DAPK1: variants seen among roughly 807,000 people sequenced by gnomAD.
DAPK1 encodes death-associated protein kinase 1.
Under a neutral mutation model 144.9 loss-of-function variants are expected in DAPK1, and 56 were observed. The observed-to-expected ratio is 0.39, with a 90% CI of 0.31 to 0.48. The LOEUF is 0.48. Among genes scored for constraint, DAPK1 ranks in the 20% least tolerant of loss-of-function variants. DAPK1 has a pLI of 0.95. For synonymous variants in DAPK1, 690 were observed against 749.0 expected, an observed-to-expected ratio of 0.92 and a Z score of 1.29; for missense variants, 1,454 against 1,875.4, an observed-to-expected ratio of 0.78 and a Z score of 4.15.
intron 2 of DAPK1, among the ~76,000 whole-genome samples, chr9:87,604,392 G>C (rs925420769): frequency 3.9e-5 from 6 of 152,162 alleles, no homozygotes; most frequent in Non-Finnish European, 8.8e-5. Flanking sequence ...GAGGAGAGGG[G>C]AGATAATGCT....
At chr9:87,608,460 A>G (rs1828811167) in intron 3 of DAPK1, among the ~76,000 whole-genome samples, 1 of 152,198 alleles carries the variant, frequency 6.6e-6, no homozygotes, top group Non-Finnish European at 1.5e-5. Flanking sequence ...GTGTGTGGGC[A>G]TAGGTTTTTA....
intron 2 of DAPK1, among the ~76,000 whole-genome samples, chr9:87,588,160 G>A (rs36205440): frequency 1.1e-4 from 17 of 152,320 alleles, no homozygotes; most frequent in Middle Eastern, 3.4e-3. Context: ...ATAATGCCAC[G>A]CAGGAGATTA....
chr9:87,645,881 C>T lies in DAPK1; in HGVS notation c.1012-14C>T, dbSNP rs1434052523. ...CAATGTAACTCTGTTTCCATCTTGG[C>T]TGTCTCTCTCAAGGATGAGGAAGAC... On this transcript the variant is annotated splice_polypyrimidine_tract_variant and intron_variant, in intron 11 of 25. Coordinates refer to ENST00000408954, the MANE Select transcript of DAPK1 (RefSeq NM_004938.4). 2 of 1,613,056 alleles carry T rather than the reference C, an allele frequency of 1.2e-6. No individual in the cohort carries two copies. The highest frequency in any genetic ancestry group is 2.7e-5 in the African/African-American group (2 of 74,870).
At position 87,697,180 on chromosome 9, in the gene DAPK1, C is replaced by G; in HGVS notation, c.2587C>G (p.Leu863Val). 1 of 1,569,970 alleles carries G rather than the reference C, an allele frequency of 6.4e-7. No individual in the cohort carries two copies. The highest frequency in any genetic ancestry group is 8.8e-7 in the Non-Finnish European group (1 of 1,139,764). The part of the protein sequence containing the change: ...VIFWLSFLKS[L>V]VPVEEPIAFG... Reference sequence around the variant, plus strand: ...TTTCTGGCTCAGTTTCCTGAAGTCCCTTGTCCCAGTTGAAGAACCCATAGG... The same window carrying G: ...TTTCTGGCTCAGTTTCCTGAAGTCCGTTGTCCCAGTTGAAGAACCCATAGG... The change falls in exon 22 of 26, where the codon CTT becomes GTT. Residue 863 changes from leucine to valine, a missense_variant. Leu to Val is a conservative substitution (Grantham distance 32). This residue lies in a region of DAPK1 where 1,025 missense variants were observed against 1,237.9 expected (regional missense o/e 0.83). Coordinates refer to ENST00000408954, the MANE Select transcript of DAPK1 (RefSeq NM_004938.4).
chr9:87,647,476 C>T (rs1830308845), intron 14 of DAPK1, 73 bp downstream of exon 14: 1 of 1,274,938 alleles, frequency 7.8e-7, no homozygotes, highest in African/African-American at 1.5e-5. Context: ...TGCTGGCCTA[C>T]CGTGTGCATC....
intron 2 of DAPK1, among the ~76,000 whole-genome samples, chr9:87,561,719 C>A (rs1052062438): frequency 6.6e-6 from 1 of 152,140 alleles, no homozygotes; most frequent in African/African-American, 2.4e-5. Context: ...GAAATGGAAG[C>A]CCCTTAGACA....
rs764579922 is a variant in DAPK1, at chr9:87,703,025, C to G, written c.2872-4C>G. ...GTTAACCTGTCTGGCCCTGCCCCCT[C>G]TAGGTCTGTCCTCCCATGACTCACC... On this transcript the variant is annotated splice_polypyrimidine_tract_variant and splice_region_variant and intron_variant, in intron 24 of 25. Coordinates refer to ENST00000408954, the MANE Select transcript of DAPK1 (RefSeq NM_004938.4). 2 of 1,520,046 alleles carry G rather than the reference C, an allele frequency of 1.3e-6. No homozygotes were observed. Among genetic ancestry groups the G allele is most frequent in the African/African-American group, 2.7e-5 (2 of 72,944 alleles). The allele number at this position is 1,520,046 out of a possible 1,614,324, so 94.2% of individuals were successfully genotyped here. A position where few individuals can be genotyped will look rare whatever the true frequency, so the allele number is the denominator to read the frequency against.
intron 2 of DAPK1, among the ~76,000 whole-genome samples, chr9:87,540,075 T>C (rs1435601642): frequency 6.6e-6 from 1 of 152,090 alleles, no homozygotes; most frequent in Non-Finnish European, 1.5e-5. Flanking sequence ...TGCGAAGATA[T>C]GTGGTAGAAG....
rs1474751181 is a variant in DAPK1, at chr9:87,650,013, G to A, written c.1521G>A (p.Lys507=). 3 of 1,614,046 alleles carry A rather than the reference G, an allele frequency of 1.9e-6. No homozygotes were observed. In the Admixed American group the frequency reaches 5.0e-5, roughly 27 times the overall value. ...AAGCCGGCTGTAACGTGAACATCAA[G>A]AACCGAGAAGGAGAGACGCCCCTCC... ...LCEAGCNVNI[K]NREGETPLLT... is the part of the protein sequence containing the mutation. Residue 507 remains lysine, a synonymous_variant, in exon 16 of 26, where the codon AAG becomes AAA. Transcript: ENST00000408954.
At chr9:87,520,668 C>T (rs1045678954) in intron 2 of DAPK1, among the ~76,000 whole-genome samples, 3 of 152,128 alleles carry the variant, frequency 2.0e-5, no homozygotes, top group Non-Finnish European at 4.4e-5. Context: ...GTTTTCTATA[C>T]TTCTTTTAAA....
chr9:87,671,557 G>A (rs1189508504), intron 19 of DAPK1, among the ~76,000 whole-genome samples: 1 of 151,428 alleles, frequency 6.6e-6, no homozygotes, highest in Non-Finnish European at 1.5e-5. Flanking sequence ...CTGGAGTGCA[G>A]TGGCATAGTC....
At chr9:87,545,432 T>C (rs1185307538) in intron 2 of DAPK1, among the ~76,000 whole-genome samples, 1 of 152,206 alleles carries the variant, frequency 6.6e-6, no homozygotes, top group African/African-American at 2.4e-5. Flanking sequence ...TTCATTAGTT[T>C]CAATTTTAGG....
chr9:87,587,225 C>T (rs997757305), intron 2 of DAPK1, among the ~76,000 whole-genome samples: 2 of 152,198 alleles, frequency 1.3e-5, no homozygotes, highest in African/African-American at 4.8e-5. Context: ...ATAAGGCAGC[C>T]AGCAGCATTT....
intron 19 of DAPK1, 187 bp downstream of exon 19, chr9:87,668,861 CTCTAT>C (rs1831155172): frequency 6.9e-6 from 4 of 578,808 alleles, no homozygotes; most frequent in Non-Finnish European, 9.2e-6. Flanking sequence ...CTGTTTTCTT[CTCTAT>C]TTGGACTTGG....
In DAPK1 at chr9:87,518,099, G is replaced by GGTTTTT. The variant is rs763027342; in HGVS notation, c.62+18960_62+18961insGTTTTT. Among the ~76,000 whole-genome samples, 204 of 126,010 alleles carry GGTTTTT rather than the reference G, an allele frequency of 1.6e-3. 1 individual carries two copies. The highest frequency in any genetic ancestry group is 6.1e-3 in the African/African-American group (178 of 29,172). The allele number at this position is 126,010 out of a possible 152,430, so 82.7% of individuals were successfully genotyped here. A position where few individuals can be genotyped will look rare whatever the true frequency, so the allele number is the denominator to read the frequency against. On this transcript the variant is annotated intron_variant, in intron 2 of 25. Coordinates refer to ENST00000408954, the MANE Select transcript of DAPK1 (RefSeq NM_004938.4). Reference sequence around the variant, plus strand: ...TTGCCCTGGAATATTTGCCGTTTATGTTGTTGTTTTTTTTTTTTTTTTTTT... The same window carrying GGTTTTT: ...TTGCCCTGGAATATTTGCCGTTTATGGTTTTTTTGTTGTTTTTTTTTTTTTTTTTTT...
chr9:87,521,746 T>C (rs565655258), intron 2 of DAPK1, among the ~76,000 whole-genome samples: 4 of 152,360 alleles, frequency 2.6e-5, no homozygotes, highest in South Asian at 4.1e-4. Context: ...TGATGACTTA[T>C]GGTAGTTGCT....
At chr9:87,572,845 G>A (rs1044885346) in intron 2 of DAPK1, among the ~76,000 whole-genome samples, 2 of 152,172 alleles carry the variant, frequency 1.3e-5, no homozygotes, top group Non-Finnish European at 2.9e-5. Flanking sequence ...GTAGGTCTAG[G>A]TGGGGACTGA....
chr9:87,521,676 T>C (rs1257786744), intron 2 of DAPK1, among the ~76,000 whole-genome samples: 1 of 152,224 alleles, frequency 6.6e-6, no homozygotes, highest in East Asian at 1.9e-4. Context: ...CTTTATCCAA[T>C]CTTTTGGCAA....
chr9:87,524,469 G>A (rs1490078799), intron 2 of DAPK1, among the ~76,000 whole-genome samples: 1 of 152,190 alleles, frequency 6.6e-6, no homozygotes, highest in Non-Finnish European at 1.5e-5. Context: ...TTGAGCCCTT[G>A]AACTTCCTCT....
Sources: allele counts gnomAD v4.1 joint callset (sites outside exome capture counted in the v4.1 genomes callset), GRCh38; gene constraint gnomAD v4.1.1; regional missense constraint gnomAD v4.1.1; transcripts MANE v1.5; gene names NCBI Gene and HGNC (gene_info 2026-07-23, HGNC 2026-07-21).